Variants in MYH15 observed in about 807,000 individuals in gnomAD.
The protein encoded by MYH15 is myosin-15.
MYH15 carries 227 observed loss-of-function variants against 240.5 expected under a neutral mutation model. The observed-to-expected ratio is 0.94, with a 90% CI of 0.85 to 1.05. The LOEUF is 1.05. Ranked by LOEUF, MYH15 falls within the 50% of genes least tolerant of loss-of-function variation. The pLI, the probability that MYH15 is intolerant of heterozygous loss-of-function variation, is 0.00. For synonymous variants in MYH15, 785 were observed against 796.7 expected, an observed-to-expected ratio of 0.99 and a Z score of 0.25; for missense variants, 2,217 against 2,247.5, an observed-to-expected ratio of 0.99 and a Z score of 0.27.
At chr3:108,407,702 GA>G (rs898083630) in intron 32 of MYH15, among the ~76,000 whole-genome samples, 15 of 152,046 alleles carry the variant, frequency 9.9e-5, no homozygotes, top group African/African-American at 3.4e-4. Flanking sequence ...AGTTTTTGGG[GA>G]AAAAAAATTG....
At chr3:108,468,914 A>T (rs1440288867) in intron 14 of MYH15, among the ~76,000 whole-genome samples, 1 of 152,182 alleles carries the variant, frequency 6.6e-6, no homozygotes, top group Non-Finnish European at 1.5e-5. Flanking sequence ...TTCATTTCTA[A>T]TGAGACAACT....
intron 18 of MYH15, among the ~76,000 whole-genome samples, chr3:108,457,330 T>C (rs13060011): frequency 2.5e-4 from 38 of 152,280 alleles, no homozygotes; most frequent in East Asian, 1.9e-4. Context: ...AAGGGGAAGA[T>C]AGACACAACC....
At chr3:108,504,009 C>A (rs1054602067) in intron 2 of MYH15, among the ~76,000 whole-genome samples, 1 of 152,110 alleles carries the variant, frequency 6.6e-6, no homozygotes, top group Non-Finnish European at 1.5e-5. Context: ...TGTGAGTGAA[C>A]CTCAAAAACA....
rs1422724098 is a variant in MYH15, at chr3:108,401,308, GA to G, written c.4737-2042del. On this transcript the variant is annotated intron_variant, in intron 33 of 40. Coordinates refer to ENST00000693548, the MANE Select transcript of MYH15 (RefSeq NM_014981.3). ...ATGGGACTAGTTAGCATCCTTATAA[GA>G]AGAGGAAGAGACACAGGGATGCATG... 2.6e-5 allele frequency among the ~76,000 whole-genome samples: 4 copies of G among 152,206 alleles called. No individual in the cohort carries two copies. In the East Asian group the frequency reaches 7.7e-4, roughly 29 times the overall value.
At chr3:108,499,166 T>C (rs2083417342) in intron 5 of MYH15, among the ~76,000 whole-genome samples, 1 of 152,164 alleles carries the variant, frequency 6.6e-6, no homozygotes, top group African/African-American at 2.4e-5. Context: ...TTTGGAACAG[T>C]GTAGCTCTCT....
At chr3:108,383,831 T>C (rs1386720945) in intron 39 of MYH15, 102 bp from the exon 40 acceptor site, 1 of 955,868 alleles carries the variant, frequency 1.0e-6, no homozygotes, top group Admixed American at 3.1e-5. Context: ...GTGAAAAGAA[T>C]CTAAACTTCT....
intron 22 of MYH15, among the ~76,000 whole-genome samples, chr3:108,441,492 G>A (rs7652606): frequency 0.8 from 121,560 of 152,090 alleles, 49,176 homozygotes; most frequent in Non-Finnish European, 0.86. Context: ...CAATTCAGTA[G>A]ATTAGATTAC....
chr3:108,529,906 T>C (rs1282853701), upstream of MYH15, among the ~76,000 whole-genome samples: 3 of 152,120 alleles, frequency 2.0e-5, no homozygotes, highest in Non-Finnish European at 4.4e-5. Flanking sequence ...AGCAGAGTAC[T>C]GGATAGGAGA....
At chr3:108,430,105 G>A (rs1459610278) in intron 26 of MYH15, among the ~76,000 whole-genome samples, 4 of 152,138 alleles carry the variant, frequency 2.6e-5, no homozygotes, top group Non-Finnish European at 5.9e-5. Flanking sequence ...TTAATAGTGT[G>A]TCTGAAACTA....
In MYH15 at chr3:108,410,805, C is replaced by T. The variant is rs368421301; in HGVS notation, c.4273G>A (p.Gly1425Arg). 8.0e-5 allele frequency: 129 copies of T among 1,614,120 alleles called. 2 individuals carry two copies. The highest frequency in any genetic ancestry group is 7.8e-4 in the Admixed American group (47 of 60,026). The change falls in exon 31 of 41, where the codon GGG becomes AGG. Residue 1425 changes from glycine (G) to arginine (R), a missense_variant. Coordinates refer to ENST00000693548, the MANE Select transcript of MYH15 (RefSeq NM_014981.3). Reference sequence around the variant, plus strand: ...CTGGCTGCTGCAGAGCGGACCTTCCCGAGGTCAGACAGGGCGTCCCCGAGC... The same window carrying T: ...CTGGCTGCTGCAGAGCGGACCTTCCTGAGGTCAGACAGGGCGTCCCCGAGC... ...LELGDALSDL[G>R]KVRSAAARLD...
intron 27 of MYH15, among the ~76,000 whole-genome samples, chr3:108,421,893 G>T (rs2107555579): frequency 6.6e-6 from 1 of 152,348 alleles, no homozygotes; most frequent in South Asian, 2.1e-4. Context: ...CAACTTCTCA[G>T]AATTGGCTTT....
intron 6 of MYH15, among the ~76,000 whole-genome samples, chr3:108,497,155 C>T (rs1203663695): frequency 6.4e-5 from 4 of 62,704 alleles, no homozygotes; most frequent in Non-Finnish European, 8.3e-5. Flanking sequence ...AGCGAGACTC[C>T]GTAAAAAAAA....
the MYH15 span, among the ~76,000 whole-genome samples, chr3:108,535,931 TCTTTG>T: frequency 6.6e-6 from 1 of 152,158 alleles, no homozygotes; most frequent in African/African-American, 2.4e-5. Context: ...ATTGACATTC[TCTTTG>T]TTGTTTTTGT....
chr3:108,550,745 T>A, the MYH15 span: 1 of 152,028 alleles, frequency 6.6e-6, no homozygotes, highest in South Asian at 2.1e-4. Flanking sequence ...TCTATATTTT[T>A]ATTTTGTAAT....
rs566583492 is a variant in MYH15 at position 108,490,886 on chromosome 3, G to GT, written c.871+1613dup. On this transcript the variant is annotated intron_variant, in intron 9 of 40. Coordinates refer to ENST00000693548, the MANE Select transcript of MYH15 (RefSeq NM_014981.3). ...TAACCTACAAAGAAATTAGATCATGGTTTTTTTTTTTTCTTTTTTGAGACA... is the reference window on the plus strand; with the variant it reads ...TAACCTACAAAGAAATTAGATCATGGTTTTTTTTTTTTTCTTTTTTGAGACA... Among the ~76,000 whole-genome samples the GT allele has an allele frequency of 4.3e-3, 617 of 145,016 alleles. 1 individual carries two copies. Among genetic ancestry groups the GT allele is most frequent in the Middle Eastern group, 7.2e-3 (2 of 276 alleles).
At chr3:108,464,323 C>T (rs1322465740) in intron 15 of MYH15, among the ~76,000 whole-genome samples, 2 of 152,038 alleles carry the variant, frequency 1.3e-5, no homozygotes, top group East Asian at 1.9e-4. Context: ...ATTCACACAA[C>T]GTTAAGTTAA....
At chr3:108,498,014 C>G in intron 6 of MYH15, 38 bp downstream of exon 6, 1 of 1,569,694 alleles carries the variant, frequency 6.4e-7, no homozygotes, top group Non-Finnish European at 8.8e-7. Flanking sequence ...GTGGATAGGG[C>G]CACCTCATCT....
chr3:108,531,500 C>T (rs2083710085), upstream of MYH15, among the ~76,000 whole-genome samples: 1 of 152,040 alleles, frequency 6.6e-6, no homozygotes, highest in Non-Finnish European at 1.5e-5. Flanking sequence ...CTCTGATATG[C>T]TGGAATAACA....
At chr3:108,534,213 G>A (rs2083731453), upstream of MYH15, among the ~76,000 whole-genome samples, 1 of 152,114 alleles carries the variant, frequency 6.6e-6, no homozygotes, top group Non-Finnish European at 1.5e-5. Flanking sequence ...CTGAATGATA[G>A]TAATCACTAA....
Sources: allele counts gnomAD v4.1 joint callset (sites outside exome capture counted in the v4.1 genomes callset), GRCh38; gene constraint gnomAD v4.1.1; transcripts MANE v1.5; gene names NCBI Gene and HGNC (gene_info 2026-07-23, HGNC 2026-07-21).